The following CAMTA1 variants were observed in gnomAD, a reference collection of about 807,000 sequenced individuals.
The protein encoded by CAMTA1 is calmodulin-binding transcription activator 1.
A neutral mutation model predicts 170.9 loss-of-function variants in CAMTA1; 27 were observed. The observed-to-expected ratio is 0.16, with a 90% CI of 0.12 to 0.22. The LOEUF (loss-of-function observed/expected upper bound fraction) is 0.22, where lower values mean the gene tolerates loss of function less well. CAMTA1 is among the 10% of genes least tolerant of loss of function. The pLI, the probability that CAMTA1 is intolerant of heterozygous loss-of-function variation, is 1.00. For synonymous variants in CAMTA1, 833 were observed against 891.5 expected (o/e 0.93, Z 1.17); for missense variants, 1,619 against 2,217.2 (o/e 0.73, Z 5.42).
At chr1:6,792,838 G>C (rs74050992) in intron 1 of CAMTA1, among the ~76,000 whole-genome samples, 1 of 152,130 alleles carries the variant, frequency 6.6e-6, no homozygotes, top group East Asian at 1.9e-4. Context: ...AGGAAGATAT[G>C]CTTGTTTGGG....
chr1:7,332,913 G>A (rs1317448470), intron 5 of CAMTA1, among the ~76,000 whole-genome samples: 1 of 152,220 alleles, frequency 6.6e-6, no homozygotes, highest in Non-Finnish European at 1.5e-5. Context: ...GAGGTGCAGG[G>A]AAAGCTGACC....
chr1:7,498,811 G>A (rs1481015328), intron 6 of CAMTA1, among the ~76,000 whole-genome samples: 1 of 148,090 alleles, frequency 6.8e-6, no homozygotes, highest in Non-Finnish European at 1.5e-5. Flanking sequence ...GTGTACATGT[G>A]TGTAGAGAGG....
chr1:6,869,419 T>C (rs1667742782), intron 3 of CAMTA1, among the ~76,000 whole-genome samples: 1 of 152,190 alleles, frequency 6.6e-6, no homozygotes, highest in Admixed American at 6.5e-5. Flanking sequence ...TGTGGGAAAA[T>C]GTGTGTGGCT....
chr1:7,644,429 T>C, intron 7 of CAMTA1, among the ~76,000 whole-genome samples: 1 of 152,206 alleles, frequency 6.6e-6, no homozygotes, highest in Non-Finnish European at 1.5e-5. Context: ...CCTGCTGCTA[T>C]GAGGAAGACC....
intron 5 of CAMTA1, among the ~76,000 whole-genome samples, chr1:7,370,815 T>C (rs1318450453): frequency 1.3e-5 from 2 of 152,142 alleles, no homozygotes; most frequent in Admixed American, 1.3e-4. Flanking sequence ...GACTGTCACA[T>C]GTCTATATCC....
chr1:7,740,602 A>G (rs2096804626), intron 16 of CAMTA1, among the ~76,000 whole-genome samples: 1 of 152,148 alleles, frequency 6.6e-6, no homozygotes, highest in South Asian at 2.1e-4. Flanking sequence ...TATCCATACC[A>G]CGCACCGTGG....
At chr1:7,498,387 G>A (rs564954164) in intron 6 of CAMTA1, among the ~76,000 whole-genome samples, 20 of 151,654 alleles carry the variant, frequency 1.3e-4, no homozygotes, top group Non-Finnish European at 2.7e-4. Context: ...GAGTGGATGT[G>A]TGTGAGTGAA....
intron 3 of CAMTA1, among the ~76,000 whole-genome samples, chr1:7,083,775 C>T (rs566612696): frequency 6.6e-6 from 1 of 152,322 alleles, no homozygotes; most frequent in African/African-American, 2.4e-5. Flanking sequence ...ATATGACATT[C>T]ACACATCCCT....
At chr1:7,266,360 G>A (rs1293478975) in intron 5 of CAMTA1, among the ~76,000 whole-genome samples, 1 of 152,204 alleles carries the variant, frequency 6.6e-6, no homozygotes, top group Non-Finnish European at 1.5e-5. Context: ...CCACAGGGAC[G>A]GCCTGGGACC....
intron 6 of CAMTA1, among the ~76,000 whole-genome samples, chr1:7,478,294 C>T (rs532649152): frequency 6.6e-6 from 1 of 152,170 alleles, no homozygotes; most frequent in African/African-American, 2.4e-5. Flanking sequence ...AGGAACAAAA[C>T]TCACTTGTTC....
intron 4 of CAMTA1, among the ~76,000 whole-genome samples, chr1:7,197,628 CCACACACACACACACACACACA>C (rs3222484): frequency 2.7e-5 from 3 of 109,874 alleles, no homozygotes; most frequent in African/African-American, 9.2e-5. Flanking sequence ...TTGTCCCCCA[CCACACACACACACACACACACA>C]CACACACACA....
chr1:7,363,958 G>A (rs192616632), intron 5 of CAMTA1, among the ~76,000 whole-genome samples: 43 of 152,270 alleles, frequency 2.8e-4, no homozygotes, highest in Admixed American at 1.8e-3. Context: ...ATAAAGTCAC[G>A]GGGGCTAAAG....
intron 6 of CAMTA1, among the ~76,000 whole-genome samples, chr1:7,550,108 C>T (rs1260859128): frequency 6.6e-6 from 1 of 151,894 alleles, no homozygotes; most frequent in Non-Finnish European, 1.5e-5. Flanking sequence ...GGGTGAGTTT[C>T]TGGGAGGGGC....
At position 7,608,811 on chromosome 1, in the gene CAMTA1, G is replaced by T. The variant is rs75484123; in HGVS notation, c.511-31589G>T. Among the ~76,000 whole-genome samples the T allele has an allele frequency of 5.0e-3, 759 of 152,194 alleles. 6 individuals carry two copies. Among genetic ancestry groups the T allele is most frequent in the African/African-American group, 0.018 (730 of 41,548 alleles). On this transcript the variant is annotated intron_variant, in intron 6 of 22. Coordinates refer to ENST00000303635, the MANE Select transcript of CAMTA1 (RefSeq NM_015215.4). Reference sequence around the variant, plus strand: ...GTGGCTTCGACAGAGCCAGAAGCGTGGGAGGGCCCCAGGGGCCTCAGCCGG... The same window carrying T: ...GTGGCTTCGACAGAGCCAGAAGCGTTGGAGGGCCCCAGGGGCCTCAGCCGG...
chr1:6,946,731 G>C (rs560981274), intron 3 of CAMTA1, among the ~76,000 whole-genome samples: 3 of 152,260 alleles, frequency 2.0e-5, no homozygotes, highest in African/African-American at 7.2e-5. Context: ...GTCAGAGATA[G>C]GATTTGCAAA....
At chr1:7,735,857 A>C (rs774724539) in intron 12 of CAMTA1, among the ~76,000 whole-genome samples, 1 of 152,170 alleles carries the variant, frequency 6.6e-6, no homozygotes, top group African/African-American at 2.4e-5. Context: ...CTGTAGCCTC[A>C]ACCTCTCCAG....
At chr1:7,119,580 A>T (rs1175543512) in intron 4 of CAMTA1, among the ~76,000 whole-genome samples, 1 of 152,210 alleles carries the variant, frequency 6.6e-6, no homozygotes, top group Admixed American at 6.5e-5. Flanking sequence ...TCCTGTTGTT[A>T]TTAAGTTACT....
intron 6 of CAMTA1, among the ~76,000 whole-genome samples, chr1:7,533,659 T>A (rs1386889990): frequency 4.6e-5 from 7 of 152,120 alleles, no homozygotes; most frequent in Non-Finnish European, 7.4e-5. Flanking sequence ...ACGCCTGTAA[T>A]CCCAGCACTT....
intron 4 of CAMTA1, among the ~76,000 whole-genome samples, chr1:7,202,401 A>G (rs1310580154): frequency 6.6e-6 from 1 of 152,190 alleles, no homozygotes; most frequent in Non-Finnish European, 1.5e-5. Flanking sequence ...TTTTAGAATC[A>G]GCTTGACAAT....
Sources: gnomAD v4.1 joint callset for allele counts (sites outside exome capture counted in the v4.1 genomes callset) on GRCh38, gnomAD v4.1.1 for gene constraint, MANE v1.5 for transcripts, NCBI Gene and HGNC (gene_info 2026-07-23, HGNC 2026-07-21) for gene names.